Variants in SLC25A23 observed in about 807,000 individuals in gnomAD.
The protein encoded by SLC25A23 is mitochondrial adenyl nucleotide antiporter SLC25A23.
Under a neutral mutation model 53.9 loss-of-function variants are expected in SLC25A23, and 32 were observed. That is an observed-to-expected ratio of 0.59 (90% CI 0.45 to 0.80). The LOEUF is 0.80. SLC25A23 is among the 30% of genes least tolerant of loss of function. The probability of loss-of-function intolerance (pLI) is 0.00; values close to 1 mark genes in which losing one functional copy is unlikely to be tolerated. For missense variants in SLC25A23, 575 were observed against 651.4 expected (o/e 0.88, Z 1.28); for synonymous variants, 275 against 264.5 (o/e 1.04, Z -0.38).
At chr19:6,457,455 G>A (rs930624368) in intron 3 of SLC25A23, 48 bp downstream of exon 3, 28 of 1,518,770 alleles carry the variant, frequency 1.8e-5, no homozygotes, top group Non-Finnish European at 2.5e-5. Context: ...TGGCCAAGGG[G>A]TCACTGTGTC....
intron 9 of SLC25A23, 78 bp from the exon 10 acceptor site, chr19:6,442,237 C>T: frequency 3.0e-6 from 3 of 1,004,926 alleles, no homozygotes; most frequent in Non-Finnish European, 4.3e-6. Flanking sequence ...AGGGTTGGGC[C>T]AGGTGGTGTC....
intron 4 of SLC25A23, chr19:6,456,218 G>A (rs2092680623): frequency 1.9e-6 from 2 of 1,057,782 alleles, no homozygotes; most frequent in Non-Finnish European, 2.7e-6. Context: ...GCTTCAATCA[G>A]ACAGCAGAGA....
At position 6,458,319 on chromosome 19, in the gene SLC25A23, G is replaced by C; in HGVS notation, c.162C>G (p.Ile54Met). 3 of 1,612,580 alleles carry C rather than the reference G, an allele frequency of 1.9e-6. No homozygotes were observed. Among genetic ancestry groups the C allele is most frequent in the Non-Finnish European group, 2.5e-6 (3 of 1,179,846 alleles). ...GNPDPGAQQG[I>M]SSEGDADPDG... Reference sequence around the variant, plus strand: ...CTGGGTCAGCATCACCCTCAGAGGAGATACCCTGACAGAGGGAAAGGGGAT... The same window carrying C: ...CTGGGTCAGCATCACCCTCAGAGGACATACCCTGACAGAGGGAAAGGGGAT... The change falls in exon 2 of 10, where the codon ATC becomes ATG. Residue 54 changes from isoleucine (I) to methionine (M), a missense_variant. Physicochemically the swap from Ile to Met is conservative, Grantham distance 10. Coordinates refer to ENST00000301454, the MANE Select transcript of SLC25A23 (RefSeq NM_024103.3).
In SLC25A23 at chr19:6,454,361, C is replaced by T. The variant is rs546358775; in HGVS notation, c.757G>A (p.Ala253Thr). 6.2e-6 allele frequency: 10 copies of T among 1,614,150 alleles called. No individual in the cohort carries two copies. Among genetic ancestry groups the T allele is most frequent in the Non-Finnish European group, 7.6e-6 (9 of 1,180,002 alleles). ...RGNGINVLKI[A>T]PESAIKFMAY... Reference sequence around the variant, plus strand: ...ATGAACTTGATAGCTGACTCGGGGGCAATCTTGAGTACATTAATACCATTG... The same window carrying T: ...ATGAACTTGATAGCTGACTCGGGGGTAATCTTGAGTACATTAATACCATTG... The change falls in exon 6 of 10, where the codon GCC becomes ACC. Residue 253 changes from alanine to threonine, a missense_variant. By Grantham distance (58) the Ala-to-Thr change is moderately conservative (BLOSUM62 0). Transcript: ENST00000301454. This position sits in a 1 kb window ranked among gnomAD's most constrained non-coding sequence, Gnocchi z 4.3.
downstream of SLC25A23, among the ~76,000 whole-genome samples, chr19:6,439,391 T>TCACA (rs2092380072): frequency 1.6e-5 from 2 of 122,804 alleles, no homozygotes; most frequent in African/African-American, 8.5e-5. Context: ...CCTATCTCTC[T>TCACA]CTCTCTCTCA....
At chr19:6,447,148 C>T (rs963603393) in intron 8 of SLC25A23, among the ~76,000 whole-genome samples, 20 of 152,126 alleles carry the variant, frequency 1.3e-4, no homozygotes, top group African/African-American at 4.8e-4. Flanking sequence ...TTTAAGCCAA[C>T]CAGTTTGTGA....
intron 1 of SLC25A23, among the ~76,000 whole-genome samples, chr19:6,458,801 T>C (rs2092718672): frequency 6.6e-6 from 1 of 152,168 alleles, no homozygotes; most frequent in African/African-American, 2.4e-5. Context: ...GCGGAGTGGC[T>C]GAGGCCTTGG....
chr19:6,456,299 C>T (rs2145057772), intron 4 of SLC25A23, 121 bp downstream of exon 4: 2 of 1,036,002 alleles, frequency 1.9e-6, no homozygotes, highest in East Asian at 2.5e-5. Context: ...CAGCTGCTGC[C>T]AGTGCCTTCT....
chr19:6,437,133 G>A (rs1436317796), downstream of SLC25A23, among the ~76,000 whole-genome samples: 2 of 152,040 alleles, frequency 1.3e-5, no homozygotes, highest in African/African-American at 4.8e-5. Flanking sequence ...TCAGCCTCCT[G>A]AGCAGCTGGA....
intron 9 of SLC25A23, chr19:6,443,521 C>T (rs1156795353): frequency 2.9e-6 from 2 of 692,062 alleles, no homozygotes; most frequent in South Asian, 3.0e-5. Flanking sequence ...AGCCACTGTG[C>T]CCGGCCTCCT....
At chr19:6,437,740 C>T (rs1280608991), downstream of SLC25A23, among the ~76,000 whole-genome samples, 1 of 148,934 alleles carries the variant, frequency 6.7e-6, no homozygotes, top group Non-Finnish European at 1.5e-5. Context: ...ACCCAGGAGG[C>T]GGAGCTTGCA....
Position 6,442,174 on chromosome 19 carries a change from GGGGGGC to G in SLC25A23, c.1223-21_1223-16del. The G allele has an allele frequency of 6.7e-7, 1 of 1,482,968 alleles. No homozygotes were observed. Among genetic ancestry groups the G allele is most frequent in the Non-Finnish European group, 9.0e-7 (1 of 1,107,456 alleles). The allele number at this position is 1,482,968 out of a possible 1,614,324, so 91.9% of individuals were successfully genotyped here. On this transcript the variant is annotated splice_polypyrimidine_tract_variant and intron_variant, in intron 9 of 9. Transcript: ENST00000301454. ...CTCGATGGAGGCTGGGAGGGGGCGG[GGGGGGC>G]ACCAGGTAAGGCCAACGTTCCCCTT...
chr19:6,450,751 C>T (rs2092576008), intron 8 of SLC25A23, among the ~76,000 whole-genome samples: 1 of 152,114 alleles, frequency 6.6e-6, no homozygotes, highest in Admixed American at 6.6e-5. Flanking sequence ...TTTGCAGGAT[C>T]CAGTGCACAA....
At chr19:6,457,766 G>C (rs1392734847) in intron 2 of SLC25A23, among the ~76,000 whole-genome samples, 176 bp from the exon 3 acceptor site, 2 of 152,042 alleles carry the variant, frequency 1.3e-5, no homozygotes, top group African/African-American at 4.8e-5. Context: ...ACTGGGGTCA[G>C]AGAGGTGGAA....
chr19:6,449,780 C>T (rs889338485), intron 8 of SLC25A23, among the ~76,000 whole-genome samples: 5 of 152,014 alleles, frequency 3.3e-5, no homozygotes, highest in South Asian at 2.1e-4. Flanking sequence ...GCAATCCTCC[C>T]ACCTCGGCCT....
chr19:6,451,377 G>A (rs1238039264), intron 8 of SLC25A23, among the ~76,000 whole-genome samples: 4 of 152,124 alleles, frequency 2.6e-5, no homozygotes, highest in African/African-American at 9.7e-5. Flanking sequence ...CGACAAGAGC[G>A]AGACTCCGTC....
At chr19:6,453,545 G>C (rs781234644) in intron 7 of SLC25A23, among the ~76,000 whole-genome samples, 15 of 152,106 alleles carry the variant, frequency 9.9e-5, no homozygotes, top group Non-Finnish European at 1.5e-4. Context: ...CAGCTGACAT[G>C]ATTTAAGTTT....
At chr19:6,458,144 A>G in intron 2 of SLC25A23, 54 bp downstream of exon 2, 1 of 1,596,540 alleles carries the variant, frequency 6.3e-7, no homozygotes. Context: ...TGATGTCTCT[A>G]GGGCCCCCAC....
rs185970943 is a variant in SLC25A23, at chr19:6,457,538, G to A, written c.336C>T (p.Ser112=). 2.5e-6 allele frequency: 4 copies of A among 1,614,050 alleles called. No homozygotes were observed. Among genetic ancestry groups the A allele is most frequent in the East Asian group, 2.2e-5 (1 of 44,886 alleles). The change falls in exon 3 of 10, where the codon TCC becomes TCT. Residue 112 remains serine (S), a synonymous_variant. Coordinates refer to ENST00000301454, the MANE Select transcript of SLC25A23 (RefSeq NM_024103.3). ...TTTTCTCAGCCTGCTCCAGCGAGATGGAAATGCCCAGAGCTCGGAAACTCT... is the reference window on the plus strand; with the variant it reads ...TTTTCTCAGCCTGCTCCAGCGAGATAGAAATGCCCAGAGCTCGGAAACTCT... ...IQQSFRALGI[S]ISLEQAEKIL... is the part of the protein sequence containing the mutation.
Sources: allele counts gnomAD v4.1 joint callset (sites outside exome capture counted in the v4.1 genomes callset), GRCh38; gene constraint gnomAD v4.1.1; non-coding constraint Gnocchi (gnomAD v3.1); transcripts MANE v1.5; gene names NCBI Gene and HGNC (gene_info 2026-07-23, HGNC 2026-07-21).